CTNNA3: variants seen among roughly 807,000 people sequenced by gnomAD.
CTNNA3 encodes the protein catenin alpha-3.
A neutral mutation model predicts 95.7 loss-of-function variants in CTNNA3; 76 were observed. The ratio of observed to expected loss-of-function variants is 0.79; its 90% CI spans 0.66 to 0.96. The LOEUF (loss-of-function observed/expected upper bound fraction) is 0.96. Among genes scored for constraint, CTNNA3 ranks in the 40% least tolerant of loss-of-function variants. The probability of loss-of-function intolerance (pLI) is 0.00; values close to 1 mark genes in which losing one functional copy is unlikely to be tolerated. For synonymous variants in CTNNA3, 431 were observed against 374.4 expected, an observed-to-expected ratio of 1.15 and a Z score of -1.74; for missense variants, 1,191 against 1,089.8, an observed-to-expected ratio of 1.09 and a Z score of -1.31.
chr10:66,362,855 C>T (rs952203569), intron 12 of CTNNA3, among the ~76,000 whole-genome samples: 4 of 152,056 alleles, frequency 2.6e-5, no homozygotes, highest in Non-Finnish European at 5.9e-5. Context: ...TTCAAATTTG[C>T]TTTTCACATT....
At chr10:66,837,236 A>G (rs1443206651) in intron 7 of CTNNA3, among the ~76,000 whole-genome samples, 1 of 152,196 alleles carries the variant, frequency 6.6e-6, no homozygotes, top group African/African-American at 2.4e-5. Flanking sequence ...GAACAACAGA[A>G]TAACCATCAC....
chr10:66,240,517 T>C (rs1042659673), intron 13 of CTNNA3, among the ~76,000 whole-genome samples: 7 of 152,114 alleles, frequency 4.6e-5, no homozygotes, highest in African/African-American at 7.2e-5. Flanking sequence ...AGATGCGCTA[T>C]AGTACTACAA....
At chr10:66,698,505 T>C (rs1847840429) in intron 9 of CTNNA3, among the ~76,000 whole-genome samples, 1 of 152,198 alleles carries the variant, frequency 6.6e-6, no homozygotes, top group Non-Finnish European at 1.5e-5. Flanking sequence ...TGTTAAGTGG[T>C]ATTTCATATG....
intron 5 of CTNNA3, among the ~76,000 whole-genome samples, chr10:67,403,578 C>G (rs894579508): frequency 1.3e-5 from 2 of 152,196 alleles, no homozygotes; most frequent in Non-Finnish European, 2.9e-5. Context: ...GATGGAGTGC[C>G]CAGGGGGCCA....
rs143746094 is a variant in CTNNA3 at position 66,250,054 on chromosome 10, C to T, written c.1884+30416G>A. Among the ~76,000 whole-genome samples, 1,274 of 152,178 alleles carry T rather than the reference C, an allele frequency of 8.4e-3. 21 individuals carry two copies. Among genetic ancestry groups the T allele is most frequent in the African/African-American group, 0.028 (1,159 of 41,502 alleles). On this transcript the variant is annotated intron_variant, in intron 13 of 17. Transcript: ENST00000433211. ...TGTAGTACATATACACAATGGAGTA[C>T]TATTCAGTCATAAAAATGAATAAGA...
chr10:66,491,516 T>A (rs1839922226), intron 11 of CTNNA3, among the ~76,000 whole-genome samples: 1 of 152,146 alleles, frequency 6.6e-6, no homozygotes, highest in East Asian at 1.9e-4. Context: ...ATTTTTAAAA[T>A]TAATATTCTC....
chr10:66,699,385 T>C (rs1197285535), intron 9 of CTNNA3, among the ~76,000 whole-genome samples: 1 of 152,176 alleles, frequency 6.6e-6, no homozygotes, highest in Non-Finnish European at 1.5e-5. Flanking sequence ...TTGTTATCTC[T>C]TGGTGTTTTT....
intron 15 of CTNNA3, among the ~76,000 whole-genome samples, chr10:66,034,824 T>C (rs183592142): frequency 3.3e-5 from 5 of 152,264 alleles, no homozygotes; most frequent in African/African-American, 9.6e-5. Flanking sequence ...GGATTAAAAA[T>C]AGAAAATGAA....
chr10:67,637,044 C>G (rs1221634909), intron 2 of CTNNA3, among the ~76,000 whole-genome samples: 1 of 152,154 alleles, frequency 6.6e-6, no homozygotes, highest in Non-Finnish European at 1.5e-5. Flanking sequence ...GAGAAGAAGA[C>G]TTCAGATGAT....
At chr10:67,588,773 A>T (rs1044257252) in intron 3 of CTNNA3, among the ~76,000 whole-genome samples, 2 of 152,072 alleles carry the variant, frequency 1.3e-5, no homozygotes, top group African/African-American at 2.4e-5. Context: ...TTTTACTAGG[A>T]ATCTAAAAAT....
chr10:67,136,583 A>G (rs1022210888), intron 7 of CTNNA3, among the ~76,000 whole-genome samples: 1 of 152,166 alleles, frequency 6.6e-6, no homozygotes, highest in African/African-American at 2.4e-5. Flanking sequence ...ACACAGAGAG[A>G]GAAGTTTGCA....
chr10:67,559,920 G>A (rs1841430737), intron 3 of CTNNA3, among the ~76,000 whole-genome samples: 2 of 152,252 alleles, frequency 1.3e-5, no homozygotes, highest in South Asian at 4.2e-4. Flanking sequence ...AATGAAGCGA[G>A]AAGGGAAGTT....
chr10:67,484,643 G>A (rs113166349), intron 5 of CTNNA3, among the ~76,000 whole-genome samples: 2,595 of 152,110 alleles, frequency 0.017, 78 homozygotes, highest in African/African-American at 0.057. Context: ...GTGAGCAAAG[G>A]ACATGAACAG....
At chr10:66,666,415 A>G (rs1402135860) in intron 9 of CTNNA3, among the ~76,000 whole-genome samples, 1 of 152,188 alleles carries the variant, frequency 6.6e-6, no homozygotes, top group Non-Finnish European at 1.5e-5. Context: ...ATCTTTGGAT[A>G]CTTTGGATTA....
chr10:66,692,666 T>A (rs957420797), intron 9 of CTNNA3, among the ~76,000 whole-genome samples: 7 of 152,134 alleles, frequency 4.6e-5, no homozygotes, highest in African/African-American at 1.4e-4. Context: ...ATTGTCAGAT[T>A]CACCAAAGTT....
intron 5 of CTNNA3, among the ~76,000 whole-genome samples, chr10:67,296,412 G>T (rs549034395): frequency 5.3e-5 from 8 of 152,246 alleles, no homozygotes; most frequent in African/African-American, 1.9e-4. Context: ...CCATAAAAAG[G>T]TCTGTTAATT....
intron 9 of CTNNA3, among the ~76,000 whole-genome samples, chr10:66,647,905 A>C (rs1455227193): frequency 6.6e-6 from 1 of 152,156 alleles, no homozygotes; most frequent in African/African-American, 2.4e-5. Context: ...CTGGAATGAT[A>C]ATGAGCTCAG....
intron 10 of CTNNA3, among the ~76,000 whole-genome samples, chr10:66,573,907 T>C (rs1842936939): frequency 6.6e-6 from 1 of 152,162 alleles, no homozygotes; most frequent in Non-Finnish European, 1.5e-5. Context: ...TTTGAAAAGC[T>C]GTACTACTGA....
chr10:66,660,186 C>G (rs1455066239), intron 9 of CTNNA3, among the ~76,000 whole-genome samples: 1 of 152,044 alleles, frequency 6.6e-6, no homozygotes, highest in African/African-American at 2.4e-5. Context: ...ATCTTACCTG[C>G]CCATTTGCTC....
Sources: allele counts gnomAD v4.1 joint callset (sites outside exome capture counted in the v4.1 genomes callset), GRCh38; gene constraint gnomAD v4.1.1; transcripts MANE v1.5; gene names NCBI Gene and HGNC (gene_info 2026-07-23, HGNC 2026-07-21).